Variants in IMMP2L observed in about 807,000 individuals in gnomAD.
IMMP2L encodes the protein mitochondrial inner membrane protease subunit 2.
In IMMP2L, 18 loss-of-function variants were observed where a neutral mutation model predicts 19.3. That is an observed-to-expected ratio of 0.93 (90% CI 0.64 to 1.38). The LOEUF is 1.38. Ranked by LOEUF, IMMP2L falls within the 40% of genes most tolerant of loss-of-function variation. The probability of loss-of-function intolerance (pLI) is 0.00; values close to 1 mark genes in which losing one functional copy is unlikely to be tolerated. For synonymous variants in IMMP2L, 76 were observed against 73.0 expected (o/e 1.04, Z -0.21); for missense variants, 233 against 218.2 (o/e 1.07, Z -0.43).
chr7:111,021,248 G>T (rs55693011), intron 3 of IMMP2L, among the ~76,000 whole-genome samples: 4 of 151,964 alleles, frequency 2.6e-5, no homozygotes, highest in Non-Finnish European at 5.9e-5. Context: ...TCATCTTTCC[G>T]CCCTTTCTCC....
chr7:111,372,462 C>T (rs1475454012), intron 3 of IMMP2L, among the ~76,000 whole-genome samples: 2 of 151,964 alleles, frequency 1.3e-5, no homozygotes, highest in East Asian at 3.9e-4. Context: ...CCACCTGCCA[C>T]CCACCAGATC....
chr7:111,513,344 A>T (rs1194374093), intron 2 of IMMP2L, among the ~76,000 whole-genome samples: 1 of 152,182 alleles, frequency 6.6e-6, no homozygotes, highest in Non-Finnish European at 1.5e-5. Context: ...GCCCAGAAGC[A>T]TATAAAAAAT....
At chr7:110,667,120 T>C (rs989238607) in intron 5 of IMMP2L, among the ~76,000 whole-genome samples, 5 of 152,208 alleles carry the variant, frequency 3.3e-5, no homozygotes, top group Admixed American at 2.6e-4. Context: ...TCCATCTGCC[T>C]TGGCCTCCCA....
chr7:111,098,915 T>TA (rs1429428941), intron 3 of IMMP2L, among the ~76,000 whole-genome samples: 2 of 151,770 alleles, frequency 1.3e-5, no homozygotes, highest in African/African-American at 4.8e-5. Flanking sequence ...CAAAATACAG[T>TA]AACTCTGTTT....
At chr7:110,828,165 A>C (rs1803669827) in intron 5 of IMMP2L, among the ~76,000 whole-genome samples, 1 of 152,282 alleles carries the variant, frequency 6.6e-6, no homozygotes, top group East Asian at 1.9e-4. Context: ...TCAGAAAACT[A>C]TTCTGCTCTG....
intron 5 of IMMP2L, among the ~76,000 whole-genome samples, chr7:110,781,842 CATTATA>C (rs1394038272): frequency 6.6e-6 from 1 of 151,866 alleles, no homozygotes; most frequent in African/African-American, 2.4e-5. Flanking sequence ...TATAAAGTTT[CATTATA>C]ATTATATGTC....
intron 3 of IMMP2L, among the ~76,000 whole-genome samples, chr7:111,022,701 C>T (rs1826411191): frequency 6.6e-6 from 1 of 152,148 alleles, no homozygotes; most frequent in South Asian, 2.1e-4. Flanking sequence ...TATCCTATAG[C>T]TTCAGGACTA....
At chr7:110,828,583 G>C (rs1803701571) in intron 5 of IMMP2L, among the ~76,000 whole-genome samples, 1 of 152,118 alleles carries the variant, frequency 6.6e-6, no homozygotes, top group Non-Finnish European at 1.5e-5. Flanking sequence ...TACACTATAT[G>C]AGAGACTGGC....
intron 5 of IMMP2L, among the ~76,000 whole-genome samples, chr7:110,843,966 G>C (rs1053577434): frequency 6.6e-6 from 1 of 152,144 alleles, no homozygotes; most frequent in Non-Finnish European, 1.5e-5. Flanking sequence ...GGGTCCTGCA[G>C]ACTGTTACAG....
At chr7:110,804,044 C>T (rs909278205) in intron 5 of IMMP2L, among the ~76,000 whole-genome samples, 4 of 151,884 alleles carry the variant, frequency 2.6e-5, no homozygotes, top group Admixed American at 2.0e-4. Flanking sequence ...GTGCAAAAAG[C>T]CTTGTTTGCC....
At chr7:111,302,948 T>C (rs1027576464) in intron 3 of IMMP2L, among the ~76,000 whole-genome samples, 1 of 152,258 alleles carries the variant, frequency 6.6e-6, no homozygotes, top group South Asian at 2.1e-4. Flanking sequence ...CTGAAGTCAC[T>C]AAATTTTCTT....
chr7:110,983,447 G>A (rs1459135496), intron 3 of IMMP2L, among the ~76,000 whole-genome samples: 1 of 151,932 alleles, frequency 6.6e-6, no homozygotes, highest in African/African-American at 2.4e-5. Context: ...AGAAATCACT[G>A]CCTCCTCATA....
At chr7:110,980,813 G>A (rs1416858683) in intron 3 of IMMP2L, among the ~76,000 whole-genome samples, 1 of 152,142 alleles carries the variant, frequency 6.6e-6, no homozygotes, top group Non-Finnish European at 1.5e-5. Flanking sequence ...TTATACAGAT[G>A]AGCTTCTATG....
At chr7:111,336,838 CT>C (rs78425646) in intron 3 of IMMP2L, among the ~76,000 whole-genome samples, 2,624 of 140,082 alleles carry the variant, frequency 0.019, 58 homozygotes, top group African/African-American at 0.057. Flanking sequence ...CAGAAGTAGA[CT>C]TTTTTTTTTT....
At chr7:111,303,913 G>A (rs984826488) in intron 3 of IMMP2L, among the ~76,000 whole-genome samples, 31 of 151,764 alleles carry the variant, frequency 2.0e-4, no homozygotes, top group Non-Finnish European at 8.8e-5. Context: ...CCTCCCAAAC[G>A]AACTTTACTC....
intron 3 of IMMP2L, among the ~76,000 whole-genome samples, chr7:111,177,221 C>T (rs1412132275): frequency 6.6e-6 from 1 of 152,024 alleles, no homozygotes; most frequent in African/African-American, 2.4e-5. Flanking sequence ...GCTCTGTCAT[C>T]GAGGCTAGAG....
intron 3 of IMMP2L, among the ~76,000 whole-genome samples, chr7:111,445,180 G>GA (rs1838197372): frequency 2.6e-5 from 4 of 151,324 alleles, no homozygotes; most frequent in African/African-American, 7.3e-5. Context: ...AGATTTATAG[G>GA]GAAAAAAAAG....
chr7:111,170,094 T>A (rs1025678441), intron 3 of IMMP2L, among the ~76,000 whole-genome samples: 1 of 151,934 alleles, frequency 6.6e-6, no homozygotes, highest in Admixed American at 6.6e-5. Context: ...CAAGTAACAG[T>A]TGAAACTGCT....
At chr7:110,744,370 G>A (rs1797185720) in intron 5 of IMMP2L, among the ~76,000 whole-genome samples, 1 of 152,164 alleles carries the variant, frequency 6.6e-6, no homozygotes, top group Non-Finnish European at 1.5e-5. Flanking sequence ...AGAGCAGTGG[G>A]TCTACCAGCA....
Sources: allele counts gnomAD v4.1 joint callset (sites outside exome capture counted in the v4.1 genomes callset), GRCh38; gene constraint gnomAD v4.1.1; transcripts MANE v1.5; gene names NCBI Gene and HGNC (gene_info 2026-07-23, HGNC 2026-07-21).